IL17RD: variants seen among roughly 807,000 people sequenced by gnomAD.
IL17RD encodes the protein interleukin 17 receptor D, also known as interleukin-17 receptor D.
Under a neutral mutation model 80.5 loss-of-function variants are expected in IL17RD, and 52 were observed. The ratio of observed to expected loss-of-function variants is 0.65; its 90% CI spans 0.52 to 0.81. The LOEUF (loss-of-function observed/expected upper bound fraction) is 0.81. Ranked by LOEUF, IL17RD falls within the 40% of genes least tolerant of loss-of-function variation. The probability of loss-of-function intolerance (pLI) is 0.00; values close to 1 mark genes in which losing one functional copy is unlikely to be tolerated. For missense variants in IL17RD, 1,024 were observed against 955.1 expected (o/e 1.07, Z -0.95); for synonymous variants, 416 against 391.8 (o/e 1.06, Z -0.73).
At chr3:57,162,821 T>C (rs760073175) in intron 1 of IL17RD, among the ~76,000 whole-genome samples, 10 of 151,782 alleles carry the variant, frequency 6.6e-5, no homozygotes, top group Non-Finnish European at 1.0e-4. Context: ...TCTGAAGACA[T>C]AGAAGTGAAC....
intron 3 of IL17RD, among the ~76,000 whole-genome samples, chr3:57,112,792 T>C (rs1180374903): frequency 2.0e-5 from 3 of 152,250 alleles, no homozygotes; most frequent in African/African-American, 7.2e-5. Flanking sequence ...TTCTGAGATT[T>C]ATCCTGTTCC....
At position 57,098,485 on chromosome 3, in the gene IL17RD, T is replaced by C. The variant is rs769672356; in HGVS notation, c.1218A>G (p.Glu406=). The C allele has an allele frequency of 6.2e-7, 1 of 1,613,698 alleles. No individual in the cohort carries two copies. Among genetic ancestry groups the C allele is most frequent in the African/African-American group, 1.3e-5 (1 of 75,022 alleles). ...DFSLCREGQR[E]WVIQKIHESQ... ...ACTCGTGGATCTTCTGGATGACCCA[T>C]TCTCTCTGCCCTTCTCTACAGAGGC... Residue 406 remains glutamate, a synonymous_variant, in exon 12 of 13, where the codon GAA becomes GAG. Transcript: ENST00000296318.
Position 57,106,139 on chromosome 3 carries a change from A to G in IL17RD, c.566T>C (p.Leu189Ser). The G allele has an allele frequency of 6.2e-7, 1 of 1,612,362 alleles. No homozygotes were observed. Among genetic ancestry groups the G allele is most frequent in the East Asian group, 2.2e-5 (1 of 44,880 alleles). Residue 189 changes from leucine (L) to serine (S), a missense_variant, in exon 6 of 13, where the codon TTA becomes TCA. Physicochemically the swap from Leu to Ser is moderately radical, Grantham distance 145. Coordinates refer to ENST00000296318, the MANE Select transcript of IL17RD (RefSeq NM_017563.5). ...TTTACAAGCTAGATTGTCCGGCTGT[A>G]ACAACAGGTCACAGGCTATTAAGAG... ...FFRTRACDLL[L>S]QPDNLACKPF... is the part of the protein sequence containing the mutation.
upstream of IL17RD, among the ~76,000 whole-genome samples, chr3:57,165,927 C>T (rs1044660797): frequency 3.9e-5 from 6 of 152,142 alleles, no homozygotes; most frequent in Non-Finnish European, 8.8e-5. Flanking sequence ...GGGGAGAGTT[C>T]TGTTGGTTGA....
rs954197956 is a variant in IL17RD at position 57,159,858 on chromosome 3, T to G, written c.126+5303A>C. Among the ~76,000 whole-genome samples the G allele has an allele frequency of 1.3e-5, 2 of 151,722 alleles. 1 individual carries two copies. Among genetic ancestry groups the G allele is most frequent in the South Asian group, 4.2e-4 (2 of 4,814 alleles). The stretch of plus-strand genomic sequence containing the variant: ...CAAGTTCTAGAAGCCTAAAAACCCA[T>G]CCATCAGAAGCAGGCTGAAGAGGCA... On this transcript the variant is annotated intron_variant, in intron 1 of 12. Coordinates refer to ENST00000296318, the MANE Select transcript of IL17RD (RefSeq NM_017563.5).
chr3:57,113,970 G>A (rs1707156022), intron 3 of IL17RD, among the ~76,000 whole-genome samples: 1 of 151,926 alleles, frequency 6.6e-6, no homozygotes, highest in Non-Finnish European at 1.5e-5. Context: ...CGGATCACGA[G>A]GTCAGGAGTT....
rs201532439 is a variant in IL17RD, at chr3:57,097,612, G to A, written c.2091C>T (p.Ser697=). The A allele has an allele frequency of 6.3e-7, 1 of 1,577,612 alleles. No homozygotes were observed. Among genetic ancestry groups the A allele is most frequent in the South Asian group, 1.2e-5 (1 of 85,602 alleles). The stretch of plus-strand genomic sequence containing the variant: ...GCACCTTACCCAGGCCTGAAGAGGA[G>A]GACACGCTCTCCGTCAGGGAAGACG... ...TETSSLTESV[S]SSSGLGEEEP... Residue 697 remains serine, a synonymous_variant, in exon 12 of 13, where the codon TCC becomes TCT. Transcript: ENST00000296318.
At chr3:57,147,983 A>T (rs1235635603) in intron 1 of IL17RD, among the ~76,000 whole-genome samples, 1 of 150,868 alleles carries the variant, frequency 6.6e-6, no homozygotes, top group Non-Finnish European at 1.5e-5. Flanking sequence ...TCCATCCAGG[A>T]TGTTCTCTTC....
Position 57,105,875 on chromosome 3 carries a change from C to A in IL17RD, c.729G>T (p.Lys243Asn), listed in dbSNP as rs1302942668. 6.2e-7 allele frequency: 1 copy of A among 1,613,834 alleles called. No individual in the cohort carries two copies. Among genetic ancestry groups the A allele is most frequent in the South Asian group, 1.1e-5 (1 of 91,050 alleles). ...HYKLKHEGPF[K>N]RKTCKQEQTT... ...AGCTCACCTGCTTACAGGTCTTTCG[C>A]TTGAAAGGTCCTTCGTGCTTGAGCT... Residue 243 changes from lysine to asparagine, a missense_variant, in exon 7 of 13, where the codon AAG becomes AAT. Transcript: ENST00000296318.
At chr3:57,131,278 G>A (rs568467934) in intron 1 of IL17RD, among the ~76,000 whole-genome samples, 72 of 152,270 alleles carry the variant, frequency 4.7e-4, no homozygotes, top group African/African-American at 1.6e-3. Context: ...TACAGAAAGA[G>A]CCTCCAAACC....
At chr3:57,146,014 C>T (rs971281867) in intron 1 of IL17RD, among the ~76,000 whole-genome samples, 12 of 147,304 alleles carry the variant, frequency 8.1e-5, no homozygotes, top group South Asian at 2.1e-4. Context: ...GGAAAGCGTG[C>T]GCGCACACAC....
rs976397286 is a variant in IL17RD, at chr3:57,095,178, A to G, written c.*1215T>C. 1 of 152,264 alleles carries G rather than the reference A, an allele frequency of 6.6e-6. No homozygotes were observed. Among genetic ancestry groups the G allele is most frequent in the Non-Finnish European group, 1.5e-5 (1 of 68,050 alleles). 9.4% of individuals were successfully genotyped at this position (152,264 alleles called of 1,614,324 possible). A position where few individuals can be genotyped will look rare whatever the true frequency, so the allele number is the denominator to read the frequency against. The stretch of plus-strand genomic sequence containing the variant: ...ATCTAACAGCACCCATGAGAAAGGT[A>G]GTGAGAGATGTACACACCTGCTCTA... On this transcript the variant is annotated 3_prime_UTR_variant, in exon 13 of 13. Transcript: ENST00000296318.
At chr3:57,146,973 C>A (rs1014792481) in intron 1 of IL17RD, among the ~76,000 whole-genome samples, 3 of 148,086 alleles carry the variant, frequency 2.0e-5, no homozygotes, top group Admixed American at 1.4e-4. Context: ...AGGTGCCCAA[C>A]AACCATGCCC....
At chr3:57,119,257 C>A (rs1707281329) in intron 2 of IL17RD, among the ~76,000 whole-genome samples, 1 of 151,760 alleles carries the variant, frequency 6.6e-6, no homozygotes, top group Non-Finnish European at 1.5e-5. Context: ...GAGGCTGAGG[C>A]AGGAGAATGG....
chr3:57,149,489 G>A (rs1708007405), intron 1 of IL17RD, among the ~76,000 whole-genome samples: 1 of 152,198 alleles, frequency 6.6e-6, no homozygotes, highest in South Asian at 2.1e-4. Flanking sequence ...GTACCACGGT[G>A]TGCATCCTGC....
rs143393039 is a variant in IL17RD at position 57,158,072 on chromosome 3, T to C, written c.126+7089A>G. 5.3e-5 allele frequency among the ~76,000 whole-genome samples: 8 copies of C among 152,362 alleles called. No individual in the cohort carries two copies. The East Asian group carries it at 1.2e-3, about 22-fold the overall frequency. On this transcript the variant is annotated intron_variant, in intron 1 of 12. Coordinates refer to ENST00000296318, the MANE Select transcript of IL17RD (RefSeq NM_017563.5). ...CAAAAGGATTCATATGAAGTATTCA[T>C]TTAATGTGTGAAATGTAAATATCCA... is the stretch of plus-strand genomic sequence containing the variant.
At chr3:57,137,969 A>G (rs1032490445) in intron 1 of IL17RD, among the ~76,000 whole-genome samples, 3 of 152,242 alleles carry the variant, frequency 2.0e-5, no homozygotes, top group Non-Finnish European at 4.4e-5. Flanking sequence ...GACCACTAAA[A>G]ACAATCTTTA....
chr3:57,115,484 C>G (rs982224334), intron 2 of IL17RD, among the ~76,000 whole-genome samples: 1 of 152,168 alleles, frequency 6.6e-6, no homozygotes, highest in African/African-American at 2.4e-5. Context: ...GAAGCCACAC[C>G]AATCTTTGAT....
chr3:57,141,773 C>T (rs2107526819), intron 1 of IL17RD, among the ~76,000 whole-genome samples: 1 of 152,260 alleles, frequency 6.6e-6, no homozygotes, highest in Non-Finnish European at 1.5e-5. Flanking sequence ...AATGAAAGAT[C>T]AACTTCATTT....
Sources: gnomAD v4.1 joint callset for allele counts (sites outside exome capture counted in the v4.1 genomes callset) on GRCh38, gnomAD v4.1.1 for gene constraint, MANE v1.5 for transcripts, NCBI Gene and HGNC (gene_info 2026-07-23, HGNC 2026-07-21) for gene names.